Variants in ZBED6 observed in about 807,000 individuals in gnomAD.
ZBED6 encodes the protein zinc finger BED domain-containing protein 6.
Under a neutral mutation model 58.4 loss-of-function variants are expected in ZBED6, and 40 were observed. That is an observed-to-expected ratio of 0.68 (90% CI 0.53 to 0.89). The LOEUF is 0.89. Among genes scored for constraint, ZBED6 ranks in the 40% least tolerant of loss-of-function variants. The probability of loss-of-function intolerance (pLI) is 0.00; values close to 1 mark genes in which losing one functional copy is unlikely to be tolerated. For missense variants in ZBED6, 1,057 were observed against 1,003.9 expected (o/e 1.05, Z -0.71); for synonymous variants, 439 against 350.6 (o/e 1.25, Z -2.82).
At chr1:203,811,386 T>C (rs1674446960) in intron 1 of ZBED6, among the ~76,000 whole-genome samples, 1 of 152,270 alleles carries the variant, frequency 6.6e-6, no homozygotes, top group South Asian at 2.1e-4. Context: ...ATTTCATAGC[T>C]ACCATTTCAT....
intron 1 of ZBED6, among the ~76,000 whole-genome samples, chr1:203,814,175 G>T (rs1193434339): frequency 6.6e-6 from 1 of 152,032 alleles, no homozygotes; most frequent in Non-Finnish European, 1.5e-5. Context: ...TTGCTTCCAG[G>T]TTCTGCCTTC....
Position 203,840,605 on chromosome 1 carries a change from ATTATTTATTTAT to A in ZBED6, c.*3741+254_*3741+265del, listed in dbSNP as rs534962124. Reference sequence around the variant, plus strand: ...TTCATCATAGCATTAATAGTAGGAAATTATTTATTTATTTATTTATTTATTTATTTATTTTAT... The same window carrying A: ...TTCATCATAGCATTAATAGTAGGAAATTATTTATTTATTTATTTATTTTAT... On this transcript the variant is annotated intron_variant, in intron 11 of 16. Coordinates refer to ENST00000550078, the Ensembl canonical transcript of ZBED6. Among the ~76,000 whole-genome samples, 449 of 147,692 alleles carry A rather than the reference ATTATTTATTTAT, an allele frequency of 3.0e-3. 1 individual carries two copies. The highest frequency in any genetic ancestry group is 5.4e-3 in the Non-Finnish European group (363 of 66,878).
At chr1:203,817,063 T>G in exon 2 of ZBED6, 1 of 1,603,350 alleles carries the variant, frequency 6.2e-7, no homozygotes, top group South Asian at 1.1e-5. Context: ...TCTAAGAATC[T>G]ACCCAGCATG....
chr1:203,829,360 T>A, intron 4 of ZBED6, 91 bp from the exon 5 acceptor site: 1 of 1,285,836 alleles, frequency 7.8e-7, no homozygotes, highest in South Asian at 1.3e-5. Context: ...ATAAGACAAA[T>A]ACACTATAGT....
At chr1:203,833,209 A>T (rs1159805091) in intron 8 of ZBED6, among the ~76,000 whole-genome samples, 1 of 152,092 alleles carries the variant, frequency 6.6e-6, no homozygotes, top group Non-Finnish European at 1.5e-5. Flanking sequence ...CTCTACTAAA[A>T]ATACAAAATT....
chr1:203,813,222 T>G (rs1028575235), intron 1 of ZBED6, among the ~76,000 whole-genome samples: 2 of 152,016 alleles, frequency 1.3e-5, no homozygotes, highest in African/African-American at 2.4e-5. Context: ...TTTGTTTTTT[T>G]TTGGATGGAG....
intron 1 of ZBED6, among the ~76,000 whole-genome samples, chr1:203,813,384 T>C (rs1314607986): frequency 6.6e-6 from 1 of 152,056 alleles, no homozygotes; most frequent in Admixed American, 6.5e-5. Context: ...ATTTTAATGG[T>C]TTTTATTGAA....
exon 1 of ZBED6, chr1:203,799,186 T>C: frequency 8.1e-7 from 1 of 1,234,510 alleles, no homozygotes; most frequent in Non-Finnish European, 1.1e-6. Context: ...TCTCCAAATT[T>C]CCTTATCCCT....
chr1:203,820,468 A>ATGTGTGTGTGTGTGTGTGTG lies in ZBED6; in HGVS notation c.*2873+1794_*2873+1795insGTGTGTGTGTGTGTGTGTGT, dbSNP rs71145033. On this transcript the variant is annotated intron_variant, in intron 3 of 16. Coordinates refer to ENST00000550078, the Ensembl canonical transcript of ZBED6. ...AGCTTTAGCAGGAATATCACAAATT[A>ATGTGTGTGTGTGTGTGTGTG]TGTGTGTGTGTGTGTATATTTTGAG... 1.5e-3 allele frequency among the ~76,000 whole-genome samples: 219 copies of ATGTGTGTGTGTGTGTGTGTG among 150,486 alleles called. 1 individual carries two copies. The highest frequency in any genetic ancestry group is 4.6e-3 in the African/African-American group (186 of 40,830).
At position 203,828,961 on chromosome 1, in the gene ZBED6, T is replaced by C. The variant is rs566174110; in HGVS notation, c.*2998-490T>C. On this transcript the variant is annotated intron_variant, in intron 4 of 16. Coordinates refer to ENST00000550078, the Ensembl canonical transcript of ZBED6. ...AGCTAGTGGTTATTCCCAAAGTTCA[T>C]TTTAAAGTAATTTAAAAGTGGAATT... Among the ~76,000 whole-genome samples the C allele has an allele frequency of 1.6e-3, 250 of 152,352 alleles. 2 individuals are homozygous for C. The highest frequency in any genetic ancestry group is 2.1e-3 in the Admixed American group (32 of 15,310).
exon 1 of ZBED6, chr1:203,796,616 G>A (rs982808301): frequency 2.5e-6 from 1 of 395,870 alleles, no homozygotes; most frequent in Non-Finnish European, 4.4e-6. Context: ...ATGTATGTAG[G>A]TATTGGGGGA....
intron 14 of ZBED6, 107 bp downstream of exon 14, chr1:203,850,133 C>T (rs575397599): frequency 5.3e-6 from 5 of 938,486 alleles, no homozygotes; most frequent in African/African-American, 1.7e-5. Flanking sequence ...TTTCATTTGC[C>T]TTCTATCCAC....
At chr1:203,805,684 G>A in intron 1 of ZBED6, 1 of 674,908 alleles carries the variant, frequency 1.5e-6, no homozygotes, top group Non-Finnish European at 2.8e-6. Context: ...TTTTGTGACA[G>A]TGGGAACACC....
intron 11 of ZBED6, among the ~76,000 whole-genome samples, chr1:203,842,394 G>A (rs1320544788): frequency 6.6e-6 from 1 of 152,192 alleles, no homozygotes; most frequent in Non-Finnish European, 1.5e-5. Context: ...GTCAGGAGCT[G>A]GAGACCAGCC....
At chr1:203,847,766 G>C in intron 12 of ZBED6, 79 bp downstream of exon 12, 1 of 1,532,942 alleles carries the variant, frequency 6.5e-7, no homozygotes, top group Non-Finnish European at 8.7e-7. Flanking sequence ...CTTCCTAGGA[G>C]TTGTTTGACA....
chr1:203,843,516 C>T (rs908253866), intron 11 of ZBED6, among the ~76,000 whole-genome samples: 11 of 152,156 alleles, frequency 7.2e-5, no homozygotes, highest in Non-Finnish European at 1.6e-4. Context: ...AAGGAATTGA[C>T]AATTTTTTTC....
At position 203,850,701 on chromosome 1, in the gene ZBED6, T is replaced by C. The variant is rs1394498157; in HGVS notation, c.*4805+20T>C. On this transcript the variant is annotated intron_variant, in intron 15 of 16. Transcript: ENST00000550078. ...GCTGTGGTAAGAAGTATATTCACTT[T>C]GTGGTGCTTTATTCTGTGTGGTAGG... 1.2e-6 allele frequency: 2 copies of C among 1,608,884 alleles called. No homozygotes were observed. The highest frequency in any genetic ancestry group is 2.7e-5 in the African/African-American group (2 of 74,800).
intron 11 of ZBED6, among the ~76,000 whole-genome samples, chr1:203,843,077 A>G (rs1686918028): frequency 6.6e-6 from 1 of 152,172 alleles, no homozygotes; most frequent in Non-Finnish European, 1.5e-5. Flanking sequence ...TTAGCATCAT[A>G]AAAAGGGAGT....
exon 1 of ZBED6, chr1:203,799,081 G>T: frequency 2.0e-6 from 3 of 1,536,108 alleles, no homozygotes; most frequent in Non-Finnish European, 2.6e-6. Context: ...CCCGATTTTA[G>T]AAAGTGGGCA....
Sources: allele counts gnomAD v4.1 joint callset (sites outside exome capture counted in the v4.1 genomes callset), GRCh38; gene constraint gnomAD v4.1.1; transcripts MANE v1.5; gene names NCBI Gene and HGNC (gene_info 2026-07-23, HGNC 2026-07-21).